HMCN1: variants seen among roughly 807,000 people sequenced by gnomAD.
HMCN1 encodes the protein hemicentin-1.
In HMCN1, 321 loss-of-function variants were observed where a neutral mutation model predicts 625.9. The ratio of observed to expected loss-of-function variants is 0.51; its 90% confidence interval spans 0.47 to 0.56. The LOEUF (loss-of-function observed/expected upper bound fraction) is 0.56. HMCN1 is among the 20% of genes least tolerant of loss of function. The pLI, the probability that HMCN1 is intolerant of heterozygous loss-of-function variation, is 0.00. For synonymous variants in HMCN1, 2,425 were observed against 2,417.6 expected (o/e 1.00, Z -0.09); for missense variants, 6,588 against 6,887.3 (o/e 0.96, Z 1.54).
intron 76 of HMCN1, 140 bp downstream of exon 76, chr1:186,117,255 A>G: frequency 7.4e-6 from 9 of 1,222,410 alleles, no homozygotes; most frequent in Non-Finnish European, 8.2e-6. Flanking sequence ...GGTTCGTTAT[A>G]TGGGTAAACT....
intron 95 of HMCN1, 51 bp downstream of exon 95, chr1:186,151,794 G>T (rs1446464816): frequency 1.3e-6 from 2 of 1,567,494 alleles, no homozygotes; most frequent in East Asian, 4.5e-5. Flanking sequence ...GTGCCATGAA[G>T]ATAGGTGATT....
intron 1 of HMCN1, among the ~76,000 whole-genome samples, chr1:185,825,507 G>A (rs902846692): frequency 2.0e-5 from 3 of 152,056 alleles, no homozygotes; most frequent in Non-Finnish European, 4.4e-5. Context: ...CATAAATGTA[G>A]CAAGCTCAAA....
intron 1 of HMCN1, among the ~76,000 whole-genome samples, chr1:185,776,161 A>G (rs1656592020): frequency 6.6e-6 from 1 of 152,000 alleles, no homozygotes; most frequent in African/African-American, 2.4e-5. Context: ...TTTTTATTAG[A>G]TCTAGTTTAT....
rs182829148 is a variant in HMCN1 at position 186,135,496 on chromosome 1, C to A, written c.13313-1172C>A. On this transcript the variant is annotated intron_variant, in intron 86 of 106. Coordinates refer to ENST00000271588, the MANE Select transcript of HMCN1 (RefSeq NM_031935.3). ...ATTTCTTGCTCATCTTTATTCTGAG[C>A]TCTAGATATGAATATCCCTGTCATG... Among the ~76,000 whole-genome samples the A allele has an allele frequency of 5.0e-3, 766 of 152,264 alleles. 1 individual carries two copies. The highest frequency in any genetic ancestry group is 8.2e-3 in the Non-Finnish European group (555 of 68,022).
At chr1:185,892,679 C>T (rs1665191273) in intron 4 of HMCN1, among the ~76,000 whole-genome samples, 1 of 152,024 alleles carries the variant, frequency 6.6e-6, no homozygotes, top group African/African-American at 2.4e-5. Context: ...CTCAGATCTC[C>T]AGCTGCCTAC....
chr1:185,813,046 A>G (rs1344491513), intron 1 of HMCN1, among the ~76,000 whole-genome samples: 2 of 152,146 alleles, frequency 1.3e-5, no homozygotes, highest in African/African-American at 4.8e-5. Flanking sequence ...CTAAATAGAT[A>G]CTTGTTCAAC....
intron 68 of HMCN1, among the ~76,000 whole-genome samples, chr1:186,096,647 C>T (rs1660151441): frequency 6.6e-6 from 1 of 152,024 alleles, no homozygotes; most frequent in African/African-American, 2.4e-5. Context: ...AAATGCTCAA[C>T]AAAATACTAG....
At chr1:186,022,616 A>C in intron 35 of HMCN1, among the ~76,000 whole-genome samples, 1 of 152,188 alleles carries the variant, frequency 6.6e-6, no homozygotes, top group African/African-American at 2.4e-5. Context: ...ATATTTTATA[A>C]TTTTATTGTT....
intron 1 of HMCN1, among the ~76,000 whole-genome samples, chr1:185,824,424 T>A (rs1438090568): frequency 6.6e-6 from 1 of 152,170 alleles, no homozygotes; most frequent in African/African-American, 2.4e-5. Context: ...ATCATAGGCT[T>A]TTTGGGGTCA....
intron 4 of HMCN1, among the ~76,000 whole-genome samples, chr1:185,869,680 T>A (rs1055302712): frequency 3.9e-5 from 6 of 152,200 alleles, no homozygotes; most frequent in Admixed American, 6.5e-5. Context: ...ATAGGAAGCA[T>A]TGTGACAGTG....
In HMCN1 at chr1:185,928,594, C is replaced by A; in HGVS notation, c.1479C>A (p.Asp493Glu). The stretch of plus-strand genomic sequence containing the variant: ...ATATTGCAAAGGTCACTTTGTCTGA[C>A]GAAGGTTTCTATGAATGCATTGCTG... ...NLDIAKVTLSDEGFYECIAVS... is the reference protein window; with the variant it reads ...NLDIAKVTLSEEGFYECIAVS... The change falls in exon 10 of 107, where the codon GAC (aspartate) becomes GAA (glutamate). Residue 493 changes from aspartate (D) to glutamate (E), a missense_variant. By Grantham distance (45) the Asp-to-Glu change is conservative (BLOSUM62 2). Around this residue, in one of 3 missense-constraint regions of HMCN1, gnomAD observed 4,628 missense variants for 4,853.1 expected, o/e 0.95. Transcript: ENST00000271588. 1 of 1,613,188 alleles carries A rather than the reference C, an allele frequency of 6.2e-7. No individual in the cohort carries two copies. The highest frequency in any genetic ancestry group is 8.5e-7 in the Non-Finnish European group (1 of 1,179,246).
intron 11 of HMCN1, among the ~76,000 whole-genome samples, chr1:185,960,839 G>C (rs2102554279): frequency 6.6e-6 from 1 of 152,290 alleles, no homozygotes; most frequent in South Asian, 2.1e-4. Flanking sequence ...AGAAAGAACT[G>C]TTCATTTTTT....
intron 50 of HMCN1, 24 bp downstream of exon 50, chr1:186,068,031 C>T (rs768287317): frequency 1.9e-6 from 3 of 1,576,006 alleles, no homozygotes; most frequent in Non-Finnish European, 2.6e-6. Context: ...TTCAGATGTC[C>T]AAGATGCATC....
At chr1:185,832,592 A>G (rs1414980412) in intron 1 of HMCN1, among the ~76,000 whole-genome samples, 2 of 152,196 alleles carry the variant, frequency 1.3e-5, no homozygotes, top group Non-Finnish European at 2.9e-5. Flanking sequence ...GAGGTTCCAT[A>G]CCTTATGCCT....
intron 14 of HMCN1, 105 bp downstream of exon 14, chr1:185,966,020 A>G (rs1053235561): frequency 1.3e-6 from 1 of 758,866 alleles, no homozygotes. Context: ...TAGCAGCCCC[A>G]TAAAATGTGT....
chr1:186,164,528 C>T (rs1651752025), intron 97 of HMCN1, among the ~76,000 whole-genome samples: 1 of 152,180 alleles, frequency 6.6e-6, no homozygotes, highest in African/African-American at 2.4e-5. Flanking sequence ...CAGGCATGAG[C>T]CACCATGCCC....
chr1:186,134,944 G>T (rs924729572), intron 86 of HMCN1, among the ~76,000 whole-genome samples: 4 of 152,128 alleles, frequency 2.6e-5, no homozygotes, highest in South Asian at 2.1e-4. Flanking sequence ...CCTGTATGCT[G>T]TTACTCTTCA....
chr1:186,040,873 C>A (rs1558167681), intron 39 of HMCN1, 140 bp from the exon 40 acceptor site: 2 of 813,400 alleles, frequency 2.5e-6, no homozygotes, highest in East Asian at 5.2e-5. Context: ...ATGATGTTTG[C>A]CTACTTAAAA....
chr1:185,908,254 A>G (rs1294770505), intron 4 of HMCN1, among the ~76,000 whole-genome samples: 1 of 151,988 alleles, frequency 6.6e-6, no homozygotes, highest in Admixed American at 6.6e-5. Flanking sequence ...GATACTTTTC[A>G]CAGAAAATAA....
Sources: allele counts gnomAD v4.1 joint callset (sites outside exome capture counted in the v4.1 genomes callset), GRCh38; gene constraint gnomAD v4.1.1; regional missense constraint gnomAD v4.1.1; transcripts MANE v1.5; gene names NCBI Gene and HGNC (gene_info 2026-07-23, HGNC 2026-07-21).